GPRIN2: variants seen among roughly 807,000 people sequenced by gnomAD.
GPRIN2 encodes G protein regulated inducer of neurite outgrowth 2, also known as G protein-regulated inducer of neurite outgrowth 2.
A neutral mutation model predicts 0.3 loss-of-function variants in GPRIN2; 1 was observed. That is an observed-to-expected ratio of 3.90 (90% CI 1.39 to 18.51). The LOEUF (loss-of-function observed/expected upper bound fraction) is 18.51, where lower values mean the gene tolerates loss of function less well. Ranked by LOEUF, GPRIN2 falls within the 30% of genes most tolerant of loss-of-function variation. The pLI is 0.11. For missense variants in GPRIN2, 880 were observed against 604.2 expected, an observed-to-expected ratio of 1.46 and a Z score of -4.79; for synonymous variants, 361 against 258.6, an observed-to-expected ratio of 1.40 and a Z score of -3.80.
Position 46,550,752 on chromosome 10 carries a change from AGAGAAAGG to A in GPRIN2, c.-6-18_-6-11del. The A allele has an allele frequency of 6.7e-7, 1 of 1,497,156 alleles. No homozygotes were observed. Among genetic ancestry groups the A allele is most frequent in the Non-Finnish European group, 8.9e-7 (1 of 1,124,768 alleles). The allele number at this position is 1,497,156 out of a possible 1,614,324, so 92.7% of individuals were successfully genotyped here. A position where few individuals can be genotyped will look rare whatever the true frequency, so the allele number is the denominator to read the frequency against. Reference sequence around the variant, plus strand: ...TGGAGCTCATGGCTGCCTGCAGAAGAGAGAAAGGGAGGGAGTGGAGTTGAGTTGGGTGG... The same window carrying A: ...TGGAGCTCATGGCTGCCTGCAGAAGAGAGGGAGTGGAGTTGAGTTGGGTGG... On this transcript the variant is annotated splice_polypyrimidine_tract_variant and intron_variant, in intron 2 of 2. Transcript: ENST00000374314.
In GPRIN2 at chr10:46,548,302, T is replaced by C. The variant is rs1842352239; in HGVS notation, c.*1058A>G. 6.6e-6 allele frequency among the ~76,000 whole-genome samples: 1 copy of C among 152,156 alleles called. No individual in the cohort carries two copies. The highest frequency in any genetic ancestry group is 1.5e-5 in the Non-Finnish European group (1 of 68,014). The stretch of plus-strand genomic sequence containing the variant: ...CCCCCACTGCCTAGCCTAGGTCAGG[T>C]CATGTGGGCAAGCGAGCCCCCACAG... On this transcript the variant is annotated 3_prime_UTR_variant, in exon 3 of 3. Transcript: ENST00000374314.
chr10:46,549,403 C>T lies in GPRIN2; in HGVS notation c.1334G>A (p.Arg445Gln), dbSNP rs1832732568. Reference sequence around the variant, plus strand: ...GGAGCAGCCGCAGCAGCTGGGGCGCCGCAGGGACTGCATGACAGCCCGCAG... The same window carrying T: ...GGAGCAGCCGCAGCAGCTGGGGCGCTGCAGGGACTGCATGACAGCCCGCAG... ...GPLRAVMQSL[R>Q]RPSCCGCSGA... is the part of the protein sequence containing the mutation. The change falls in exon 3 of 3, where the codon CGG becomes CAG. Residue 445 changes from arginine (R) to glutamine (Q), a missense_variant. By Grantham distance (43) the Arg-to-Gln change is conservative. Coordinates refer to ENST00000374314, the MANE Select transcript of GPRIN2 (RefSeq NM_001385282.1). 23 of 1,528,746 alleles carry T rather than the reference C, an allele frequency of 1.5e-5. No homozygotes were observed. Among genetic ancestry groups the T allele is most frequent in the East Asian group, 7.2e-5 (3 of 41,950 alleles). 94.7% of individuals were successfully genotyped at this position (1,528,746 alleles called of 1,614,324 possible).
Position 46,546,209 on chromosome 10 carries a change from C to T in GPRIN2, c.*3151G>A, listed in dbSNP as rs1832912701. ...GCAGCCTGGGGCCAGACAAGGGATG[C>T]GTGTCTTGTGTCCTGGACACAAGAC... On this transcript the variant is annotated 3_prime_UTR_variant, in exon 3 of 3. Transcript: ENST00000374314. Among the ~76,000 whole-genome samples the T allele has an allele frequency of 1.6e-4, 25 of 152,340 alleles. No homozygotes were observed. The highest frequency in any genetic ancestry group is 2.2e-4 in the Non-Finnish European group (15 of 67,992).
In GPRIN2 at chr10:46,550,108, C is replaced by T. The variant is rs1403546880; in HGVS notation, c.629G>A (p.Ser210Asn). The T allele has an allele frequency of 1.2e-6, 2 of 1,611,554 alleles. No homozygotes were observed. Reference sequence around the variant, plus strand: ...AGCAGCTTTGGGCTCAGCCTGGGCACTGCTGCTGTGGGCAGTTGTGTCCCC... The same window carrying T: ...AGCAGCTTTGGGCTCAGCCTGGGCATTGCTGCTGTGGGCAGTTGTGTCCCC... ...DLGDTTAHSS[S>N]AQAEPKAAEQ... The change falls in exon 3 of 3, where the codon AGT becomes AAT. Residue 210 changes from serine (S) to asparagine (N), a missense_variant. Coordinates refer to ENST00000374314, the MANE Select transcript of GPRIN2 (RefSeq NM_001385282.1).
Position 46,544,726 on chromosome 10 carries a change from A to C in GPRIN2, c.*4634T>G, listed in dbSNP as rs1842008940. Among the ~76,000 whole-genome samples the C allele has an allele frequency of 6.6e-6, 1 of 152,308 alleles. No individual in the cohort carries two copies. Among genetic ancestry groups the C allele is most frequent in the African/African-American group, 2.4e-5 (1 of 41,488 alleles). ...AAAGGGAAGTGGCCACCACAGAACC[A>C]GTTCTGCTGAGAACGAGGACTCGAG... On this transcript the variant is annotated 3_prime_UTR_variant, in exon 3 of 3. Coordinates refer to ENST00000374314, the MANE Select transcript of GPRIN2 (RefSeq NM_001385282.1).
rs1832537297 is a variant in GPRIN2 at position 46,549,960 on chromosome 10, G to A, written c.777C>T (p.Pro259=). 8.7e-6 allele frequency: 14 copies of A among 1,614,256 alleles called. No homozygotes were observed. Among genetic ancestry groups the A allele is most frequent in the Non-Finnish European group, 1.2e-5 (14 of 1,180,042 alleles). ...ACTCGCTCACTGACGCCACTAGTTT[G>A]GGAAAGGCCAGGATCCCTGTGGCAG... ...ALPATGILAF[P]KLVASVSESG... is the part of the protein sequence containing the mutation. The change falls in exon 3 of 3, where the codon CCC becomes CCT. Residue 259 remains proline (P), a synonymous_variant. Transcript: ENST00000374314.
rs1311871792 is a variant in GPRIN2 at position 46,543,831 on chromosome 10, G to T, written c.*5529C>A. 1.3e-5 allele frequency among the ~76,000 whole-genome samples: 2 copies of T among 152,310 alleles called. No individual in the cohort carries two copies. The highest frequency in any genetic ancestry group is 4.8e-5 in the African/African-American group (2 of 41,486). On this transcript the variant is annotated 3_prime_UTR_variant, in exon 3 of 3. Transcript: ENST00000374314. ...CTATCTCGGGCTTGGAGTGGGAGAA[G>T]CCAGGCAGGAGTCCTGGAGAGTGAC...
chr10:46,544,022 G>A lies in GPRIN2; in HGVS notation c.*5338C>T, dbSNP rs1359940087. On this transcript the variant is annotated 3_prime_UTR_variant, in exon 3 of 3. Coordinates refer to ENST00000374314, the MANE Select transcript of GPRIN2 (RefSeq NM_001385282.1). ...TGTTCTTCTGCTTTATTATTCCCGT[G>A]TAGCCACAGCAACAGAACTGGCCCC... Among the ~76,000 whole-genome samples the A allele has an allele frequency of 6.6e-6, 1 of 152,260 alleles. No homozygotes were observed. The highest frequency in any genetic ancestry group is 1.5e-5 in the Non-Finnish European group (1 of 68,052).
At position 46,546,609 on chromosome 10, in the gene GPRIN2, GGGA is replaced by G. The variant is rs1842183074; in HGVS notation, c.*2748_*2750del. Among the ~76,000 whole-genome samples the G allele has an allele frequency of 6.6e-6, 1 of 152,312 alleles. No individual in the cohort carries two copies. Among genetic ancestry groups the G allele is most frequent in the African/African-American group, 2.4e-5 (1 of 41,488 alleles). ...TCTGGCCAGAAATCTAGAGTCCAAG[GGGA>G]GGAGATCTGTAAACTAAACCGCTGG... On this transcript the variant is annotated 3_prime_UTR_variant, in exon 3 of 3. Coordinates refer to ENST00000374314, the MANE Select transcript of GPRIN2 (RefSeq NM_001385282.1).
upstream of GPRIN2, among the ~76,000 whole-genome samples, chr10:46,557,189 G>A (rs1843346095): frequency 2.0e-5 from 3 of 152,258 alleles, no homozygotes; most frequent in South Asian, 4.1e-4. Flanking sequence ...GGGCCCTTTC[G>A]TCTGGGATAC....
Position 46,542,223 on chromosome 10 carries a change from G to T in GPRIN2, c.*7137C>A, listed in dbSNP as rs1366710778. Among the ~76,000 whole-genome samples the T allele has an allele frequency of 6.6e-6, 1 of 152,306 alleles. No homozygotes were observed. Among genetic ancestry groups the T allele is most frequent in the Non-Finnish European group, 1.5e-5 (1 of 68,056 alleles). On this transcript the variant is annotated 3_prime_UTR_variant, in exon 3 of 3. Transcript: ENST00000374314. ...CAACAGGGAACAAATCTGAGTGGAG[G>T]GGAGAATTCTACCCCTCCCAGGGTT...
At chr10:46,553,739 C>T (rs980153388) in intron 2 of GPRIN2, among the ~76,000 whole-genome samples, 1 of 152,308 alleles carries the variant, frequency 6.6e-6, no homozygotes, top group Non-Finnish European at 1.5e-5. Flanking sequence ...TGGCAGGTGA[C>T]AAAACTGAGG....
rs1165651449 is a variant in GPRIN2 at position 46,544,471 on chromosome 10, A to G, written c.*4889T>C. Among the ~76,000 whole-genome samples, 1 of 152,310 alleles carries G rather than the reference A, an allele frequency of 6.6e-6. No homozygotes were observed. The highest frequency in any genetic ancestry group is 2.4e-5 in the African/African-American group (1 of 41,488). On this transcript the variant is annotated 3_prime_UTR_variant, in exon 3 of 3. Transcript: ENST00000374314. ...CCTGAGTAGCTGAGGCTACAGATGC[A>G]CACCACCATGCCCAGCTAATTTTTG...
At position 46,545,245 on chromosome 10, in the gene GPRIN2, T is replaced by C. The variant is rs1406742518; in HGVS notation, c.*4115A>G. Among the ~76,000 whole-genome samples the C allele has an allele frequency of 6.6e-6, 1 of 152,182 alleles. No homozygotes were observed. The highest frequency in any genetic ancestry group is 2.4e-5 in the African/African-American group (1 of 41,440). On this transcript the variant is annotated 3_prime_UTR_variant, in exon 3 of 3. Coordinates refer to ENST00000374314, the MANE Select transcript of GPRIN2 (RefSeq NM_001385282.1). ...TTTCTGTGCACAACTTCCCCCAAAA[T>C]AGGCCCTACGACTCCAGCAGAAACC...
intron 1 of GPRIN2, among the ~76,000 whole-genome samples, chr10:46,556,022 G>GCTCA (rs1319714641): frequency 2.6e-4 from 39 of 152,424 alleles, no homozygotes; most frequent in African/African-American, 8.7e-4. Flanking sequence ...GGAGAAGGGG[G>GCTCA]CTCAATACGG....
In GPRIN2 at chr10:46,546,505, T is replaced by C. The variant is rs1454490921; in HGVS notation, c.*2855A>G. Among the ~76,000 whole-genome samples, 1 of 152,310 alleles carries C rather than the reference T, an allele frequency of 6.6e-6. No homozygotes were observed. Among genetic ancestry groups the C allele is most frequent in the Non-Finnish European group, 1.5e-5 (1 of 68,058 alleles). ...TCTCACCTCCAAATTTGTATCTGTT[T>C]TGAATTCAAAGCCAAACAAACACAT... On this transcript the variant is annotated 3_prime_UTR_variant, in exon 3 of 3. Coordinates refer to ENST00000374314, the MANE Select transcript of GPRIN2 (RefSeq NM_001385282.1).
chr10:46,543,329 A>G lies in GPRIN2; in HGVS notation c.*6031T>C, dbSNP rs1841891713. Among the ~76,000 whole-genome samples, 1 of 152,310 alleles carries G rather than the reference A, an allele frequency of 6.6e-6. No homozygotes were observed. Among genetic ancestry groups the G allele is most frequent in the South Asian group, 2.1e-4 (1 of 4,838 alleles). On this transcript the variant is annotated 3_prime_UTR_variant, in exon 3 of 3. Transcript: ENST00000374314. ...CACAAAGCAGGAGGAGGCAGGAACAAGTACAATGGACAGTGGGGAGGCAGA... is the reference window on the plus strand; with the variant it reads ...CACAAAGCAGGAGGAGGCAGGAACAGGTACAATGGACAGTGGGGAGGCAGA...
chr10:46,550,935 T>A (rs1255327193), intron 2 of GPRIN2, among the ~76,000 whole-genome samples, 193 bp from the exon 3 acceptor site: 1 of 152,312 alleles, frequency 6.6e-6, no homozygotes. Flanking sequence ...TCATCTCACA[T>A]TAGACACAAG....
Position 46,550,307 on chromosome 10 carries a change from A to T in GPRIN2, c.430T>A (p.Ser144Thr). Residue 144 changes from serine to threonine, a missense_variant, in exon 3 of 3, where the codon TCA (serine) becomes ACA (threonine). Coordinates refer to ENST00000374314, the MANE Select transcript of GPRIN2 (RefSeq NM_001385282.1). ...SGARKASLSC[S>T]ALGSSPVHRA... The stretch of plus-strand genomic sequence containing the variant: ...TGGACAGGGCTGCTGCCAAGGGCTG[A>T]GCAGCTGAGACTGGCCTTCCGAGCA... The T allele has an allele frequency of 6.2e-7, 1 of 1,613,236 alleles. No homozygotes were observed. Among genetic ancestry groups the T allele is most frequent in the Non-Finnish European group, 8.5e-7 (1 of 1,179,942 alleles).
Sources: allele counts gnomAD v4.1 joint callset (sites outside exome capture counted in the v4.1 genomes callset), GRCh38; gene constraint gnomAD v4.1.1; transcripts MANE v1.5; gene names NCBI Gene and HGNC (gene_info 2026-07-23, HGNC 2026-07-21).